The following SPIRE1 variants were observed in gnomAD, a reference collection of about 807,000 sequenced individuals.
The protein encoded by SPIRE1 is protein spire homolog 1.
Under a neutral mutation model 94.1 loss-of-function variants are expected in SPIRE1, and 40 were observed. The ratio of observed to expected loss-of-function variants is 0.43; its 90% CI spans 0.33 to 0.55. The LOEUF is 0.55. Ranked by LOEUF, SPIRE1 falls within the 20% of genes least tolerant of loss-of-function variation. The pLI is 0.06. For synonymous variants in SPIRE1, 376 were observed against 371.7 expected, an observed-to-expected ratio of 1.01 and a Z score of -0.13; for missense variants, 838 against 975.2, an observed-to-expected ratio of 0.86 and a Z score of 1.87.
intron 2 of SPIRE1, among the ~76,000 whole-genome samples, chr18:12,568,122 A>G (rs1418570220): frequency 6.6e-6 from 1 of 152,232 alleles, no homozygotes; most frequent in Non-Finnish European, 1.5e-5. Context: ...ACGTAGACGT[A>G]GAAGAGTGAT....
chr18:12,601,198 A>C, intron 2 of SPIRE1, among the ~76,000 whole-genome samples: 1 of 151,628 alleles, frequency 6.6e-6, no homozygotes, highest in Admixed American at 6.6e-5. Context: ...CGGCAGGCAG[A>C]TCACTTAAGG....
intron 1 of SPIRE1, among the ~76,000 whole-genome samples, chr18:12,646,809 C>T (rs1342481952): frequency 2.6e-5 from 4 of 152,062 alleles, no homozygotes; most frequent in Admixed American, 1.3e-4. Flanking sequence ...CTTTGGGAGA[C>T]GGAGGCGTGT....
At chr18:12,469,683 CATAT>C (rs957897068) in intron 10 of SPIRE1, among the ~76,000 whole-genome samples, 2 of 136,400 alleles carry the variant, frequency 1.5e-5, no homozygotes, top group East Asian at 2.0e-4. Flanking sequence ...TTATATATAA[CATAT>C]ATAATTTGTA....
chr18:12,606,171 T>C lies in SPIRE1; in HGVS notation c.372+28891A>G, dbSNP rs374357150. On this transcript the variant is annotated intron_variant, in intron 2 of 16. Transcript: ENST00000409402. Reference sequence around the variant, plus strand: ...CTTGCCCCCCCTTTATTTTTCTTCATAGCACTTAACACCACAGAGTATTTT... The same window carrying C: ...CTTGCCCCCCCTTTATTTTTCTTCACAGCACTTAACACCACAGAGTATTTT... Among the ~76,000 whole-genome samples the C allele has an allele frequency of 5.9e-5, 9 of 152,088 alleles. 1 individual carries two copies. The highest frequency in any genetic ancestry group is 4.1e-4 in the South Asian group (2 of 4,822).
At chr18:12,607,854 G>A (rs565538584) in intron 2 of SPIRE1, among the ~76,000 whole-genome samples, 2 of 152,190 alleles carry the variant, frequency 1.3e-5, no homozygotes, top group South Asian at 4.2e-4. Context: ...TTGCATGCCT[G>A]TATCAAAATA....
intron 2 of SPIRE1, among the ~76,000 whole-genome samples, chr18:12,560,296 C>T (rs2035644952): frequency 1.3e-5 from 2 of 152,172 alleles, no homozygotes; most frequent in South Asian, 4.1e-4. Context: ...ATGTTTACTG[C>T]AGCACTATTT....
chr18:12,626,886 A>ATATATATATAT (rs55915333), intron 2 of SPIRE1, among the ~76,000 whole-genome samples: 80 of 111,890 alleles, frequency 7.1e-4, no homozygotes, highest in South Asian at 1.0e-3. Context: ...ATATATATAT[A>ATATATATATAT]TTTTTTTTTT....
At chr18:12,549,639 C>T (rs985057978) in intron 2 of SPIRE1, among the ~76,000 whole-genome samples, 1 of 151,022 alleles carries the variant, frequency 6.6e-6, no homozygotes, top group African/African-American at 2.4e-5. Context: ...TTAGTAGAGT[C>T]GGGGTTTCAC....
At chr18:12,556,726 T>C (rs975706098) in intron 2 of SPIRE1, among the ~76,000 whole-genome samples, 3 of 152,168 alleles carry the variant, frequency 2.0e-5, no homozygotes, top group Non-Finnish European at 2.9e-5. Flanking sequence ...TCTTGCTGGC[T>C]TCAGGAGTGA....
chr18:12,623,985 G>A (rs189985048), intron 2 of SPIRE1, among the ~76,000 whole-genome samples: 14 of 148,706 alleles, frequency 9.4e-5, no homozygotes, highest in Non-Finnish European at 3.0e-5. Flanking sequence ...GCGCCCTGGA[G>A]TGGTCTCGGC....
chr18:12,599,799 C>T (rs1424261100), intron 2 of SPIRE1, among the ~76,000 whole-genome samples: 2 of 152,126 alleles, frequency 1.3e-5, no homozygotes, highest in Admixed American at 1.3e-4. Flanking sequence ...TACTGTGGCA[C>T]ACAGACTCTA....
At chr18:12,504,652 T>G (rs1192965403) in intron 6 of SPIRE1, among the ~76,000 whole-genome samples, 1 of 152,204 alleles carries the variant, frequency 6.6e-6, no homozygotes, top group Admixed American at 6.5e-5. Flanking sequence ...AGTATTTGGT[T>G]GCATGTCAGG....
intron 1 of SPIRE1, 144 bp downstream of exon 1, chr18:12,657,386 G>T: frequency 1.6e-6 from 1 of 636,064 alleles, no homozygotes; most frequent in Non-Finnish European, 2.2e-6. Context: ...CTCCCCTGCG[G>T]GTCCCCGCCG....
chr18:12,644,198 C>CAAAAA (rs58693692), intron 1 of SPIRE1, among the ~76,000 whole-genome samples: 4 of 88,648 alleles, frequency 4.5e-5, no homozygotes, highest in African/African-American at 4.7e-5. Flanking sequence ...AACTCCATCT[C>CAAAAA]AAAAAAAAAA....
At chr18:12,540,078 AT>A (rs1459908588) in intron 3 of SPIRE1, among the ~76,000 whole-genome samples, 10 of 152,158 alleles carry the variant, frequency 6.6e-5, no homozygotes, top group Non-Finnish European at 1.3e-4. Flanking sequence ...GGAGTGAGCC[AT>A]GCACAGACCT....
At chr18:12,497,438 C>T (rs2033497910) in intron 6 of SPIRE1, among the ~76,000 whole-genome samples, 1 of 152,048 alleles carries the variant, frequency 6.6e-6, no homozygotes, top group South Asian at 2.1e-4. Context: ...AAAATAGAAC[C>T]TCAATGGCCA....
upstream of SPIRE1, among the ~76,000 whole-genome samples, chr18:12,660,836 T>C (rs375424383): frequency 6.6e-5 from 10 of 152,294 alleles, no homozygotes; most frequent in East Asian, 1.5e-3. Flanking sequence ...TGTAATTAAG[T>C]TGAGGAAAGA....
At chr18:12,526,916 G>A (rs986369747) in intron 4 of SPIRE1, among the ~76,000 whole-genome samples, 2 of 151,990 alleles carry the variant, frequency 1.3e-5, no homozygotes, top group Admixed American at 6.6e-5. Context: ...CACCATGTTG[G>A]CCAGGATGGT....
chr18:12,600,102 CAA>C (rs58628339), intron 2 of SPIRE1, among the ~76,000 whole-genome samples: 31 of 118,388 alleles, frequency 2.6e-4, no homozygotes, highest in Admixed American at 5.5e-4. Context: ...CAATGGCCAG[CAA>C]AAAAAAAAAA....
Sources: gnomAD v4.1 joint callset for allele counts (sites outside exome capture counted in the v4.1 genomes callset) on GRCh38, gnomAD v4.1.1 for gene constraint, MANE v1.5 for transcripts, NCBI Gene and HGNC (gene_info 2026-07-23, HGNC 2026-07-21) for gene names.